PRKAA1: variants seen among roughly 807,000 people sequenced by gnomAD.
PRKAA1 encodes protein kinase AMP-activated catalytic subunit alpha 1.
Under a neutral mutation model 56.9 loss-of-function variants are expected in PRKAA1, and 23 were observed. That is an observed-to-expected ratio of 0.40 (90% CI 0.29 to 0.57). The LOEUF is 0.57. Ranked by LOEUF, PRKAA1 falls within the 20% of genes least tolerant of loss-of-function variation. The pLI is 0.39. For missense variants in PRKAA1, 413 were observed against 679.7 expected, an observed-to-expected ratio of 0.61 and a Z score of 4.36; for synonymous variants, 226 against 227.0, an observed-to-expected ratio of 1.00 and a Z score of 0.04.
rs756759473 is a variant in PRKAA1 at position 40,798,051 on chromosome 5, C to A, written c.127+12G>T. ...TCAGCTGGGGCCAAGCCTAGTCCCG[C>A]GGGGTTCTCACCCTTCACTTTGCCG... On this transcript the variant is annotated intron_variant, in intron 1 of 8. Transcript: ENST00000397128. 1.2e-6 allele frequency: 2 copies of A among 1,607,498 alleles called. No individual in the cohort carries two copies. Among genetic ancestry groups the A allele is most frequent in the South Asian group, 1.1e-5 (1 of 90,966 alleles).
At chr5:40,766,417 G>A (rs1743438411) in intron 6 of PRKAA1, among the ~76,000 whole-genome samples, 1 of 152,158 alleles carries the variant, frequency 6.6e-6, no homozygotes, top group East Asian at 1.9e-4. Flanking sequence ...AAGAAACAAG[G>A]CTTGCAATAA....
chr5:40,772,043 G>A (rs1743772358), intron 3 of PRKAA1, among the ~76,000 whole-genome samples, 180 bp from the exon 4 acceptor site: 1 of 152,260 alleles, frequency 6.6e-6, no homozygotes, highest in South Asian at 2.1e-4. Flanking sequence ...ATGCTAAGAT[G>A]GTCTTGGAAC....
chr5:40,773,244 C>G (rs1230006148), intron 3 of PRKAA1, among the ~76,000 whole-genome samples: 1 of 151,966 alleles, frequency 6.6e-6, no homozygotes, highest in Non-Finnish European at 1.5e-5. Context: ...CTTTAGCATT[C>G]TAATACTTTT....
intron 1 of PRKAA1, among the ~76,000 whole-genome samples, chr5:40,784,880 C>T (rs1010231571): frequency 3.9e-5 from 6 of 152,090 alleles, no homozygotes; most frequent in African/African-American, 1.4e-4. Flanking sequence ...TATGCTTTTT[C>T]CGAACATGGT....
intron 5 of PRKAA1, chr5:40,768,533 TAA>T: frequency 1.0e-6 from 1 of 974,816 alleles, no homozygotes; most frequent in Non-Finnish European, 1.2e-6. Flanking sequence ...AGTTAATATT[TAA>T]AAAAAAGATG....
chr5:40,770,643 G>C (rs1370460475), intron 4 of PRKAA1, among the ~76,000 whole-genome samples: 2 of 139,344 alleles, frequency 1.4e-5, no homozygotes, highest in African/African-American at 5.3e-5. Context: ...CCGTCGCCCA[G>C]GCCGGACAGG....
intron 2 of PRKAA1, 140 bp from the exon 3 acceptor site, chr5:40,775,643 C>T (rs894841233): frequency 1.6e-6 from 1 of 612,728 alleles, no homozygotes; most frequent in African/African-American, 1.9e-5. Context: ...TCTCTGCTCT[C>T]ATGGAGTTCA....
rs1744309288 is a variant in PRKAA1 at position 40,782,666 on chromosome 5, A to C, written c.128-5080T>G. Among the ~76,000 whole-genome samples the C allele has an allele frequency of 2.0e-5, 3 of 152,290 alleles. No homozygotes were observed. The South Asian group carries it at 6.2e-4, about 32-fold the overall frequency. Reference sequence around the variant, plus strand: ...TTACAATACAATTAAAATCATTTAGAAAACAGTAGGTAGTAGCAATAATAA... The same window carrying C: ...TTACAATACAATTAAAATCATTTAGCAAACAGTAGGTAGTAGCAATAATAA... On this transcript the variant is annotated intron_variant, in intron 1 of 8. Transcript: ENST00000397128.
chr5:40,785,849 G>A (rs1250713339), intron 1 of PRKAA1, among the ~76,000 whole-genome samples: 4 of 28,778 alleles, frequency 1.4e-4, no homozygotes, highest in African/African-American at 5.3e-4. Context: ...CAGAGAGAGA[G>A]AGAGAGAGAG....
At chr5:40,768,661 C>T in intron 5 of PRKAA1, 1 of 1,205,008 alleles carries the variant, frequency 8.3e-7, no homozygotes, top group South Asian at 3.0e-5. Flanking sequence ...GAAAATACTA[C>T]AGTATTTCTG....
Position 40,794,761 on chromosome 5 carries a change from T to TA in PRKAA1, c.127+3301dup, listed in dbSNP as rs1175678129. ...GAAAAGGGTGAACAGGGAACACTTCTACACTGCTGGTGGGAATGTAAACTA... is the reference window on the plus strand; with the variant it reads ...GAAAAGGGTGAACAGGGAACACTTCTAACACTGCTGGTGGGAATGTAAACTA... On this transcript the variant is annotated intron_variant, in intron 1 of 8. Coordinates refer to ENST00000397128, the MANE Select transcript of PRKAA1 (RefSeq NM_006251.6). Among the ~76,000 whole-genome samples, 5 of 126,514 alleles carry TA rather than the reference T, an allele frequency of 4.0e-5. 1 individual carries two copies. Among genetic ancestry groups the TA allele is most frequent in the Admixed American group, 1.8e-4 (2 of 11,002 alleles). 83.0% of individuals were successfully genotyped at this position (126,514 alleles called of 152,430 possible).
chr5:40,776,341 G>A (rs1285267611), intron 2 of PRKAA1, among the ~76,000 whole-genome samples: 1 of 152,260 alleles, frequency 6.6e-6, no homozygotes, highest in East Asian at 1.9e-4. Flanking sequence ...ACTGTGGGAA[G>A]AGCAGGTTTG....
At chr5:40,780,399 G>A (rs943362564) in intron 1 of PRKAA1, among the ~76,000 whole-genome samples, 5 of 152,146 alleles carry the variant, frequency 3.3e-5, no homozygotes, top group African/African-American at 1.2e-4. Context: ...ATCCGTATTA[G>A]TCAGCATTCT....
chr5:40,785,935 A>G (rs150369389), intron 1 of PRKAA1, among the ~76,000 whole-genome samples: 2 of 151,598 alleles, frequency 1.3e-5, no homozygotes, highest in East Asian at 3.9e-4. Flanking sequence ...TGCTATCACA[A>G]ACCAAGGAAC....
intron 3 of PRKAA1, among the ~76,000 whole-genome samples, chr5:40,774,549 A>ACTTTTTTTTTTTTT (rs1554031839): frequency 8.0e-6 from 1 of 125,084 alleles, no homozygotes. Context: ...TCCAGGCAGA[A>ACTTTTTTTTTTTTT]TTTTTTTTTT....
chr5:40,767,349 T>C lies in PRKAA1; in HGVS notation c.821+117A>G, dbSNP rs1475135243. On this transcript the variant is annotated intron_variant, in intron 6 of 8. Transcript: ENST00000397128. ...AAAATAAATGTGTCTATACACTCTA[T>C]TTTTTTCACATAAAAACAGGATTAC... The C allele has an allele frequency of 8.6e-6, 7 of 817,746 alleles. No homozygotes were observed. The African/African-American group carries it at 1.0e-4, about 12-fold the overall frequency. 50.7% of individuals were successfully genotyped at this position (817,746 alleles called of 1,614,324 possible). A position where few individuals can be genotyped will look rare whatever the true frequency, so the allele number is the denominator to read the frequency against.
chr5:40,762,734 T>G lies in PRKAA1; in HGVS notation c.*44A>C, dbSNP rs1217515466. On this transcript the variant is annotated 3_prime_UTR_variant, in exon 9 of 9. Coordinates refer to ENST00000397128, the MANE Select transcript of PRKAA1 (RefSeq NM_006251.6). ...ATGGAAGCATTTGGCTGTGACTTAT[T>G]ATGCATGCTTATTGCTGCAAAAGAA... 6.9e-6 allele frequency: 11 copies of G among 1,603,854 alleles called. No individual in the cohort carries two copies. Among genetic ancestry groups the G allele is most frequent in the Non-Finnish European group, 9.4e-6 (11 of 1,173,476 alleles).
intron 1 of PRKAA1, chr5:40,789,982 G>A (rs1477733378): frequency 1.3e-5 from 2 of 152,138 alleles, no homozygotes; most frequent in African/African-American, 4.8e-5. Context: ...AATAGGAAGC[G>A]AAAGAGGAGA....
chr5:40,785,866 A>G (rs1744455802), intron 1 of PRKAA1, among the ~76,000 whole-genome samples: 2 of 128,206 alleles, frequency 1.6e-5, no homozygotes, highest in Non-Finnish European at 1.7e-5. Context: ...AGAGAGAGAG[A>G]GAGAGAGAGA....
Sources: gnomAD v4.1 joint callset for allele counts (sites outside exome capture counted in the v4.1 genomes callset) on GRCh38, gnomAD v4.1.1 for gene constraint, MANE v1.5 for transcripts, NCBI Gene and HGNC (gene_info 2026-07-23, HGNC 2026-07-21) for gene names.